Variants in TENM1 observed in about 807,000 individuals in gnomAD.
TENM1 encodes the protein teneurin transmembrane protein 1, also known as teneurin-1.
A neutral mutation model predicts 174.8 loss-of-function variants in TENM1; 35 were observed. That is an observed-to-expected ratio of 0.20 (90% confidence interval 0.15 to 0.27). The LOEUF (loss-of-function observed/expected upper bound fraction) is 0.27. TENM1 is among the 10% of genes least tolerant of loss of function. The pLI, the probability that TENM1 is intolerant of heterozygous loss-of-function variation, is 1.00. For synonymous variants in TENM1, 781 were observed against 798.7 expected, an observed-to-expected ratio of 0.98 and a Z score of 0.37; for missense variants, 1,633 against 2,130.1, an observed-to-expected ratio of 0.77 and a Z score of 4.59.
intron 22 of TENM1, among the ~76,000 whole-genome samples, chrX:124,458,181 G>GGAATATATATGGTATATA (rs1569532672): frequency 4.2e-4 from 47 of 112,096 alleles, no homozygotes; most frequent in African/African-American, 1.5e-3. Flanking sequence ...TACTATATGT[G>GGAATATATATGGTATATA]TGGTATATAT....
At chrX:125,172,564 T>TA in the TENM1 span, among the ~76,000 whole-genome samples, 1 of 111,645 alleles carries the variant, frequency 9.0e-6, no homozygotes, top group Non-Finnish European at 1.9e-5. Flanking sequence ...ACCAATTTTT[T>TA]AAAAAAGGAA....
At chrX:124,641,689 T>C in intron 11 of TENM1, 102 bp downstream of exon 14, 6 of 779,834 alleles carry the variant, frequency 7.7e-6, no homozygotes, top group African/African-American at 2.1e-5. Flanking sequence ...CTCTTAGGAC[T>C]CACAAAGGTG....
At chrX:124,511,795 G>A (rs753004861) in intron 18 of TENM1, among the ~76,000 whole-genome samples, 19 of 111,884 alleles carry the variant, frequency 1.7e-4, no homozygotes, top group Middle Eastern at 4.6e-3. Context: ...CTAAAGCATC[G>A]TTCTCAGGAA....
At chrX:124,599,044 T>C (rs1405129876) in intron 11 of TENM1, among the ~76,000 whole-genome samples, 1 of 111,494 alleles carries the variant, frequency 9.0e-6, no homozygotes, top group Non-Finnish European at 1.9e-5. Flanking sequence ...ACTTAGGATG[T>C]ATGTGTAGCA....
At chrX:124,837,125 G>T (rs1456388949) in intron 3 of TENM1, among the ~76,000 whole-genome samples, 2 of 111,978 alleles carry the variant, frequency 1.8e-5, no homozygotes, top group Non-Finnish European at 3.8e-5. Flanking sequence ...TTTCACTCTT[G>T]TTGCCCAGGC....
At chrX:125,182,919 T>C in the TENM1 span, among the ~76,000 whole-genome samples, 5 of 112,203 alleles carry the variant, frequency 4.5e-5, no homozygotes, top group African/African-American at 1.6e-4. Context: ...ATACACTATT[T>C]AAAAATCAAT....
At chrX:124,939,416 T>C (rs1424211492) in intron 1 of TENM1, among the ~76,000 whole-genome samples, 2 of 111,653 alleles carry the variant, frequency 1.8e-5, no homozygotes, top group Non-Finnish European at 3.8e-5. Flanking sequence ...ACCTATCTTA[T>C]CAGTCGAACC....
rs1182370273 is a variant in TENM1 at position 124,476,157 on chromosome X, C to T, written c.3949+5575G>A. ...ACATTCTATGTCTGTTTCTTTACTA[C>T]ACTGTCTCCCTCATAGACACCAGTG... is the stretch of plus-strand genomic sequence containing the variant. On this transcript the variant is annotated intron_variant, in intron 22 of 31. Coordinates refer to ENST00000422452, the Ensembl canonical transcript of TENM1. Among the ~76,000 whole-genome samples, 4 of 111,706 alleles carry T rather than the reference C, an allele frequency of 3.6e-5. No individual in the cohort carries two copies. In the East Asian group the frequency reaches 1.1e-3, roughly 31 times the overall value.
At chrX:124,623,993 C>CA in intron 11 of TENM1, among the ~76,000 whole-genome samples, 2 of 111,802 alleles carry the variant, frequency 1.8e-5, no homozygotes, top group Admixed American at 1.9e-4. Flanking sequence ...AAGGTAGAGG[C>CA]AAAGCCCTGG....
At chrX:125,156,322 G>A in the TENM1 span, among the ~76,000 whole-genome samples, 1 of 111,532 alleles carries the variant, frequency 9.0e-6, no homozygotes, top group African/African-American at 3.3e-5. Context: ...TAAATTGTGT[G>A]TAATGGGGGT....
exon 8 of TENM1, chrX:124,652,050 G>A: frequency 8.3e-7 from 1 of 1,211,595 alleles, no homozygotes; most frequent in Non-Finnish European, 1.1e-6. Flanking sequence ...TCCGAGGGGA[G>A]TGCTGTGTAT....
chrX:124,736,853 TTGTGTGTCTCTGCAGA>T (rs1247398206), intron 4 of TENM1, 88 bp downstream of exon 7: 11 of 1,037,982 alleles, frequency 1.1e-5, no homozygotes, highest in Non-Finnish European at 1.3e-5. Context: ...GTTTGTGCAT[TTGTGTGTCTCTGCAGA>T]TGTGTGTGAT....
At chrX:124,733,188 T>C in intron 4 of TENM1, among the ~76,000 whole-genome samples, 1 of 111,927 alleles carries the variant, frequency 8.9e-6, no homozygotes. Context: ...GACTCAAGAA[T>C]AGTGAAGGGC....
the TENM1 span, among the ~76,000 whole-genome samples, chrX:125,131,946 A>G: frequency 2.7e-5 from 3 of 112,234 alleles, no homozygotes; most frequent in African/African-American, 9.7e-5. Context: ...GCATGATTTG[A>G]GCAATATTTA....
intron 27 of TENM1, among the ~76,000 whole-genome samples, chrX:124,397,880 A>T (rs1360520513): frequency 9.2e-6 from 1 of 108,194 alleles, no homozygotes; most frequent in African/African-American, 3.3e-5. Flanking sequence ...GGTGTGAGCC[A>T]CCGTGCCCGG....
chrX:124,953,225 G>A (rs2058517364), intron 1 of TENM1, among the ~76,000 whole-genome samples: 1 of 111,837 alleles, frequency 8.9e-6, no homozygotes, highest in Non-Finnish European at 1.9e-5. Context: ...ATTTCAAAAT[G>A]CCATTTCTGA....
chrX:124,829,017 C>T (rs2056231998), intron 3 of TENM1, among the ~76,000 whole-genome samples: 4 of 111,176 alleles, frequency 3.6e-5, no homozygotes, highest in Admixed American at 2.9e-4. Flanking sequence ...AATTTTTGTC[C>T]TGAGGATTTC....
the TENM1 span, among the ~76,000 whole-genome samples, chrX:125,010,572 T>C: frequency 6.4e-5 from 7 of 108,675 alleles, no homozygotes; most frequent in Admixed American, 2.0e-4. Context: ...CACAGCACTT[T>C]GGGAGGCCGA....
chrX:124,565,611 T>A (rs749411792), intron 11 of TENM1, 51 bp from the exon 15 acceptor site: 11 of 891,222 alleles, frequency 1.2e-5, no homozygotes, highest in Non-Finnish European at 1.6e-5. Context: ...AAAACCAGCA[T>A]CCATTCTTCC....
Sources: gnomAD v4.1 joint callset for allele counts (sites outside exome capture counted in the v4.1 genomes callset) on GRCh38, gnomAD v4.1.1 for gene constraint, MANE v1.5 for transcripts, NCBI Gene and HGNC (gene_info 2026-07-23, HGNC 2026-07-21) for gene names.